The following MTCP1 variants were observed in gnomAD, a reference collection of about 807,000 sequenced individuals.
The protein encoded by MTCP1 is mature T cell proliferation 1, also known as protein p13 MTCP-1.
Under a neutral mutation model 10.6 loss-of-function variants are expected in MTCP1, and 2 were observed. The observed-to-expected ratio is 0.19, with a 90% CI of 0.08 to 0.59. The LOEUF (loss-of-function observed/expected upper bound fraction) is 0.59, where lower values mean the gene tolerates loss of function less well. MTCP1 is among the 20% of genes least tolerant of loss of function. The pLI is 0.90. For synonymous variants in MTCP1, 29 were observed against 34.4 expected, an observed-to-expected ratio of 0.84 and a Z score of 0.55; for missense variants, 33 against 91.5, an observed-to-expected ratio of 0.36 and a Z score of 2.61.
In MTCP1 at chrX:155,065,277, T is replaced by C; in HGVS notation, c.*127A>G. The C allele has an allele frequency of 2.3e-6, 1 of 437,128 alleles. No individual in the cohort carries two copies. 36.0% of individuals were successfully genotyped at this position (437,128 alleles called of 1,213,427 possible). ...TGACCCTTGCTAAACTTCTGTTTCT[T>C]GAGCAGTTTTTCAACCCACTCCCTC... On this transcript the variant is annotated 3_prime_UTR_variant, in exon 5 of 5. Transcript: ENST00000369476.
At position 155,065,599 on chromosome X, in the gene MTCP1, T is replaced by C; in HGVS notation, c.276+20A>G. ...ACGAGAGTCCCAGTACAATGGAAAA[T>C]AATTAAGCAACATGTGTACCATTAA... On this transcript the variant is annotated intron_variant, in intron 3 of 4. Transcript: ENST00000369476. 8.3e-7 allele frequency: 1 copy of C among 1,209,655 alleles called. No individual in the cohort carries two copies. Among genetic ancestry groups the C allele is most frequent in the Non-Finnish European group, 1.1e-6 (1 of 893,982 alleles).
At position 155,065,800 on chromosome X, in the gene MTCP1, G is replaced by C; in HGVS notation, c.106-11C>G. 8.3e-7 allele frequency: 1 copy of C among 1,207,895 alleles called. No individual in the cohort carries two copies. Among genetic ancestry groups the C allele is most frequent in the Non-Finnish European group, 1.1e-6 (1 of 893,160 alleles). ...TAGGAAACTCGTCTCCTAATGGAAA[G>C]GAATGATCAAAAATAAAACCAAAGA... On this transcript the variant is annotated splice_polypyrimidine_tract_variant and intron_variant, in intron 2 of 4. Coordinates refer to ENST00000369476, the MANE Select transcript of MTCP1 (RefSeq NM_001018025.4).
rs1430469372 is a variant in MTCP1, at chrX:155,064,967, C to T, written c.*437G>A. 8.5e-6 allele frequency: 1 copy of T among 117,135 alleles called. No individual in the cohort carries two copies. Among genetic ancestry groups the T allele is most frequent in the Non-Finnish European group, 1.8e-5 (1 of 56,635 alleles). 9.7% of individuals were successfully genotyped at this position (117,135 alleles called of 1,213,427 possible). On this transcript the variant is annotated 3_prime_UTR_variant, in exon 5 of 5. Coordinates refer to ENST00000369476, the MANE Select transcript of MTCP1 (RefSeq NM_001018025.4). ...GGGAGAAGGAAAGGCAGGTGAATTG[C>T]TGCAGGGCAAATAAGCGACAAATAG...
In MTCP1 at chrX:155,065,275, C is replaced by T; in HGVS notation, c.*129G>A. ...CATGACCCTTGCTAAACTTCTGTTT[C>T]TTGAGCAGTTTTTCAACCCACTCCC... On this transcript the variant is annotated 3_prime_UTR_variant, in exon 5 of 5. Coordinates refer to ENST00000369476, the MANE Select transcript of MTCP1 (RefSeq NM_001018025.4). 2.3e-6 allele frequency: 1 copy of T among 436,064 alleles called. No individual in the cohort carries two copies. Among genetic ancestry groups the T allele is most frequent in the South Asian group, 4.0e-5 (1 of 25,271 alleles). The allele number at this position is 436,064 out of a possible 1,213,427, so 35.9% of individuals were successfully genotyped here. A position where few individuals can be genotyped will look rare whatever the true frequency, so the allele number is the denominator to read the frequency against.
At chrX:155,068,893 T>C (rs1367096167) in intron 1 of MTCP1, among the ~76,000 whole-genome samples, 1 of 112,515 alleles carries the variant, frequency 8.9e-6, no homozygotes, top group African/African-American at 3.2e-5. Context: ...ACATGGAATA[T>C]AAACTTGTGC....
intron 2 of MTCP1, 53 bp from the exon 3 acceptor site, chrX:155,065,842 C>T (rs1386587941): frequency 1.7e-6 from 2 of 1,195,921 alleles, no homozygotes; most frequent in Admixed American, 4.4e-5. Context: ...AATATTGAGA[C>T]TGGAATAGAA....
rs782254549 is a variant in MTCP1 at position 155,064,096 on chromosome X, G to T, written c.*1308C>A. Reference sequence around the variant, plus strand: ...CATAAAGACTTTAAAGCCCCTCTACGTGGAATTTTCTTCTGAGACAAGCAG... The same window carrying T: ...CATAAAGACTTTAAAGCCCCTCTACTTGGAATTTTCTTCTGAGACAAGCAG... On this transcript the variant is annotated 3_prime_UTR_variant, in exon 5 of 5. Transcript: ENST00000369476. 2.1e-6 allele frequency: 2 copies of T among 942,654 alleles called. No individual in the cohort carries two copies. The highest frequency in any genetic ancestry group is 2.9e-6 in the Non-Finnish European group (2 of 684,036). The allele number at this position is 942,654 out of a possible 1,213,427, so 77.7% of individuals were successfully genotyped here.
Position 155,064,081 on chromosome X carries a change from T to C in MTCP1, c.*1323A>G. Reference sequence around the variant, plus strand: ...TATTTTTCTTTTTTCCATAAAGACTTTAAAGCCCCTCTACGTGGAATTTTC... The same window carrying C: ...TATTTTTCTTTTTTCCATAAAGACTCTAAAGCCCCTCTACGTGGAATTTTC... On this transcript the variant is annotated 3_prime_UTR_variant, in exon 5 of 5. Coordinates refer to ENST00000369476, the MANE Select transcript of MTCP1 (RefSeq NM_001018025.4). 4 of 1,032,388 alleles carry C rather than the reference T, an allele frequency of 3.9e-6. No homozygotes were observed. The South Asian group carries it at 6.6e-5, about 17-fold the overall frequency. The allele number at this position is 1,032,388 out of a possible 1,213,427, so 85.1% of individuals were successfully genotyped here.
intron 1 of MTCP1, among the ~76,000 whole-genome samples, chrX:155,070,068 T>G (rs1460445349): frequency 1.8e-5 from 2 of 112,315 alleles, no homozygotes; most frequent in Non-Finnish European, 3.8e-5. Context: ...TAGAAAGATG[T>G]GCCATGTGAT....
intron 1 of MTCP1, among the ~76,000 whole-genome samples, chrX:155,070,289 C>T (rs782261274): frequency 3.6e-5 from 4 of 111,727 alleles, no homozygotes; most frequent in Non-Finnish European, 7.5e-5. Flanking sequence ...AAGTAGAAAA[C>T]CAAATCAAAG....
chrX:155,066,100 TTGAA>T, intron 1 of MTCP1, 43 bp from the exon 2 acceptor site: 2 of 665,111 alleles, frequency 3.0e-6, no homozygotes, highest in East Asian at 3.3e-5. Flanking sequence ...CTTTTTGGGT[TTGAA>T]TGAACTCACC....
At chrX:155,067,006 C>T (rs1192055040) in intron 1 of MTCP1, among the ~76,000 whole-genome samples, 1 of 112,182 alleles carries the variant, frequency 8.9e-6, no homozygotes, top group African/African-American at 3.2e-5. Context: ...AGTCAATCTT[C>T]TAGACCTTAC....
intron 1 of MTCP1, among the ~76,000 whole-genome samples, chrX:155,068,455 G>A (rs1557292174): frequency 8.9e-6 from 1 of 112,278 alleles, no homozygotes; most frequent in Admixed American, 9.4e-5. Context: ...GTGTGTGCTA[G>A]CATTCAGAGG....
chrX:155,065,712 A>G lies in MTCP1; in HGVS notation c.183T>C (p.Leu61=). 1 of 1,211,498 alleles carries G rather than the reference A, an allele frequency of 8.3e-7. No homozygotes were observed. The highest frequency in any genetic ancestry group is 3.0e-5 in the East Asian group (1 of 33,849). The change falls in exon 3 of 5, where the codon CTT becomes CTC. Residue 61 remains leucine (L), a synonymous_variant. Transcript: ENST00000369476. The part of the protein sequence containing the change: ...LGDAARPSHL[L]TSQLPLMWQL... ...GCCACATGAGAGGTAGCTGGGAGGT[A>G]AGAAGGTGACTTGGCCTAGCTGCGT...
At chrX:155,065,561 G>A (rs1569560357) in intron 3 of MTCP1, 24 bp from the exon 4 acceptor site, 1 of 1,209,040 alleles carries the variant, frequency 8.3e-7, no homozygotes, top group East Asian at 3.0e-5. Context: ...AAAAGTTTAT[G>A]GAGTACTCTG....
Position 155,065,768 on chromosome X carries a change from G to T in MTCP1, c.127C>A (p.Arg43=), listed in dbSNP as rs376244277. The change falls in exon 3 of 5, where the codon CGA becomes AGA. Residue 43 remains arginine (R), a synonymous_variant. Transcript: ENST00000369476. ...AAGGGAACCTGAATTTGCTGGACTC[G>T]TGCCCTTAGGAAACTCGTCTCCTAA... The part of the protein sequence containing the change: ...VEEETSFLRA[R]VQQIQVPLGD... The T allele has an allele frequency of 4.1e-6, 5 of 1,209,166 alleles. No homozygotes were observed. The African/African-American group carries it at 8.8e-5, about 21-fold the overall frequency.
At chrX:155,065,424 A>T in intron 4 of MTCP1, 25 bp from the exon 5 acceptor site, 1 of 1,036,792 alleles carries the variant, frequency 9.6e-7, no homozygotes, top group Non-Finnish European at 1.4e-6. Flanking sequence ...CATTAAAATC[A>T]CCACAACTGA....
chrX:155,066,133 G>T, intron 1 of MTCP1, 76 bp from the exon 2 acceptor site: 1 of 496,099 alleles, frequency 2.0e-6, no homozygotes, highest in Non-Finnish European at 3.4e-6. Flanking sequence ...AGGTGATCTG[G>T]TACTAGCAAC....
At chrX:155,068,179 G>A (rs782742466) in intron 1 of MTCP1, among the ~76,000 whole-genome samples, 19 of 112,268 alleles carry the variant, frequency 1.7e-4, no homozygotes, top group Non-Finnish European at 3.4e-4. Context: ...CAACCAACAT[G>A]TTGACATTTA....
Sources: allele counts gnomAD v4.1 joint callset (sites outside exome capture counted in the v4.1 genomes callset), GRCh38; gene constraint gnomAD v4.1.1; transcripts MANE v1.5; gene names NCBI Gene and HGNC (gene_info 2026-07-23, HGNC 2026-07-21).